Variants in USP34 observed in about 807,000 individuals in gnomAD.
The protein encoded by USP34 is ubiquitin carboxyl-terminal hydrolase 34.
USP34 carries 70 observed loss-of-function variants against 460.3 expected under a neutral mutation model. That is an observed-to-expected ratio of 0.15 (90% CI 0.13 to 0.19). The LOEUF (loss-of-function observed/expected upper bound fraction) is 0.19, where lower values mean the gene tolerates loss of function less well. Ranked by LOEUF, USP34 falls within the 10% of genes least tolerant of loss-of-function variation. USP34 has a pLI of 1.00. For missense variants in USP34, 3,985 were observed against 4,236.2 expected, an observed-to-expected ratio of 0.94 and a Z score of 1.65; for synonymous variants, 1,647 against 1,405.3, an observed-to-expected ratio of 1.17 and a Z score of -3.85.
chr2:61,322,292 G>C (rs895672934), intron 21 of USP34, among the ~76,000 whole-genome samples: 2 of 152,060 alleles, frequency 1.3e-5, no homozygotes, highest in African/African-American at 4.8e-5. Context: ...AAAGCAAAAG[G>C]AAACTGCCTA....
chr2:61,460,172 G>C (rs574099580), intron 1 of USP34, among the ~76,000 whole-genome samples: 6 of 152,262 alleles, frequency 3.9e-5, no homozygotes, highest in African/African-American at 1.4e-4. Context: ...ATTATCTTTG[G>C]TTTTGCTTTC....
In USP34 at chr2:61,317,637, T is replaced by G. The variant is rs200363729; in HGVS notation, c.3282+17A>C. The G allele has an allele frequency of 6.3e-7, 1 of 1,582,630 alleles. No homozygotes were observed. Among genetic ancestry groups the G allele is most frequent in the East Asian group, 2.2e-5 (1 of 44,734 alleles). ...TGAGGAATAAAGTTGCCTAATAAAGTAAGTCTAAATCCATACCTCAGAATT... is the reference window on the plus strand; with the variant it reads ...TGAGGAATAAAGTTGCCTAATAAAGGAAGTCTAAATCCATACCTCAGAATT... On this transcript the variant is annotated intron_variant, in intron 23 of 79. Transcript: ENST00000398571.
At chr2:61,266,358 A>G (rs1019346746) in intron 41 of USP34, among the ~76,000 whole-genome samples, 191 bp from the exon 42 acceptor site, 2 of 151,916 alleles carry the variant, frequency 1.3e-5, no homozygotes, top group African/African-American at 4.8e-5. Context: ...ATCAACTTTT[A>G]CTCTTCTCTC....
chr2:61,209,660 CTA>C (rs1454426820), intron 69 of USP34, among the ~76,000 whole-genome samples: 4 of 152,146 alleles, frequency 2.6e-5, no homozygotes, highest in African/African-American at 7.2e-5. Context: ...TAATAAATGA[CTA>C]TGTTACTGGT....
At chr2:61,413,658 C>CA (rs1694110407) in intron 2 of USP34, among the ~76,000 whole-genome samples, 1 of 138,854 alleles carries the variant, frequency 7.2e-6, no homozygotes. Context: ...GACTCAGTCT[C>CA]AAAAAAATTA....
chr2:61,352,131 G>A (rs1691959017), intron 10 of USP34, among the ~76,000 whole-genome samples: 1 of 152,090 alleles, frequency 6.6e-6, no homozygotes, highest in Non-Finnish European at 1.5e-5. Context: ...ATGTTCCAAT[G>A]AGTACTTCTT....
chr2:61,270,405 T>A (rs1044320129), intron 41 of USP34, among the ~76,000 whole-genome samples: 32 of 152,182 alleles, frequency 2.1e-4, no homozygotes, highest in Admixed American at 6.5e-5. Flanking sequence ...GAAAAGTAAA[T>A]TTCTGTTGTT....
intron 1 of USP34, 30 bp downstream of exon 1, chr2:61,470,620 C>G (rs376534985): frequency 6.9e-5 from 106 of 1,546,366 alleles, no homozygotes; most frequent in Non-Finnish European, 8.5e-5. Context: ...AAACCGTGCA[C>G]CCCGACAGGC....
intron 65 of USP34, 192 bp from the exon 66 acceptor site, chr2:61,221,798 G>T: frequency 2.3e-6 from 1 of 438,556 alleles, no homozygotes; most frequent in Admixed American, 4.2e-5. Context: ...AAGTCAACCG[G>T]GAACCACGTA....
rs574785459 is a variant in USP34 at position 61,369,998 on chromosome 2, A to C, written c.1251+323T>G. ...TATGCCTATTTAAAAAAAAAAAAAA[A>C]AAAACAGTACATCAGACAAGAAACA... On this transcript the variant is annotated intron_variant, in intron 10 of 79. Coordinates refer to ENST00000398571, the MANE Select transcript of USP34 (RefSeq NM_014709.4). 1.4e-4 allele frequency among the ~76,000 whole-genome samples: 22 copies of C among 151,802 alleles called. 1 individual carries two copies. The highest frequency in any genetic ancestry group is 1.2e-3 in the South Asian group (6 of 4,818).
Position 61,266,539 on chromosome 2 carries a change from G to C in USP34, c.5434-372C>G, listed in dbSNP as rs996591017. 3.9e-5 allele frequency among the ~76,000 whole-genome samples: 6 copies of C among 152,228 alleles called. No homozygotes were observed. In the East Asian group the frequency reaches 1.2e-3, roughly 29 times the overall value. ...TACTTCACTCTACTAATAAATAATAGCAACAATAACAGTGGCAAAATCAAC... is the reference window on the plus strand; with the variant it reads ...TACTTCACTCTACTAATAAATAATACCAACAATAACAGTGGCAAAATCAAC... On this transcript the variant is annotated intron_variant, in intron 41 of 79. Coordinates refer to ENST00000398571, the MANE Select transcript of USP34 (RefSeq NM_014709.4).
intron 41 of USP34, among the ~76,000 whole-genome samples, chr2:61,273,759 A>G (rs546190836): frequency 4.6e-5 from 7 of 152,316 alleles, no homozygotes; most frequent in Non-Finnish European, 7.4e-5. Flanking sequence ...TTAAATCTAC[A>G]TAATTAAGAT....
rs72884996 is a variant in USP34, at chr2:61,241,626, T to C, written c.6711A>G (p.Lys2237=). 207,556 of 1,607,020 alleles carry C rather than the reference T, an allele frequency of 0.13. 14,808 individuals are homozygous for C. The highest frequency in any genetic ancestry group is 0.24 in the African/African-American group (17,590 of 74,392). The change falls in exon 53 of 80, where the codon AAA becomes AAG. Residue 2237 remains lysine (K), a synonymous_variant. Transcript: ENST00000398571. ...CATTTTCTTCCTCTGGTTCCATGCG[T>C]TTGTAAAACAGCATATATGCACTGT... ...KTHSAYMLFY[K]RMEPEEENGR...
At chr2:61,224,687 T>G (rs550595304) in intron 62 of USP34, among the ~76,000 whole-genome samples, 1 of 152,298 alleles carries the variant, frequency 6.6e-6, no homozygotes, top group East Asian at 1.9e-4. Flanking sequence ...TGATTTGATT[T>G]CCTAATATAC....
intron 75 of USP34, chr2:61,193,204 G>A (rs1043906914): frequency 6.3e-5 from 23 of 365,800 alleles, no homozygotes; most frequent in African/African-American, 4.4e-4. Flanking sequence ...TGAAGGATAT[G>A]GGACTTAAAT....
In USP34 at chr2:61,448,464, A is replaced by G. The variant is rs535439029; in HGVS notation, c.43+22186T>C. On this transcript the variant is annotated intron_variant, in intron 1 of 79. Transcript: ENST00000398571. ...GTGAGGCCCTGTCTCAAGGACGGGG[A>G]AAAAAAATGCAAAGAATATCTTATC... is the stretch of plus-strand genomic sequence containing the variant. Among the ~76,000 whole-genome samples, 101 of 152,186 alleles carry G rather than the reference A, an allele frequency of 6.6e-4. 1 individual carries two copies. In the South Asian group the frequency reaches 0.013, roughly 20 times the overall value.
chr2:61,302,278 GT>G (rs1296307870), intron 27 of USP34, among the ~76,000 whole-genome samples: 2 of 152,200 alleles, frequency 1.3e-5, no homozygotes, highest in African/African-American at 4.8e-5. Context: ...AGAAAAATGA[GT>G]GGGGTAAGGC....
chr2:61,245,319 A>G, intron 50 of USP34, 31 bp from the exon 51 acceptor site: 1 of 1,269,224 alleles, frequency 7.9e-7, no homozygotes, highest in East Asian at 2.5e-5. Flanking sequence ...TTAATCTAGT[A>G]TGCATATAAT....
At chr2:61,212,948 T>C (rs964576431) in intron 68 of USP34, among the ~76,000 whole-genome samples, 1 of 152,172 alleles carries the variant, frequency 6.6e-6, no homozygotes, top group African/African-American at 2.4e-5. Flanking sequence ...GTCAGAAAGA[T>C]TGATATTTTG....
Sources: allele counts gnomAD v4.1 joint callset (sites outside exome capture counted in the v4.1 genomes callset), GRCh38; gene constraint gnomAD v4.1.1; transcripts MANE v1.5; gene names NCBI Gene and HGNC (gene_info 2026-07-23, HGNC 2026-07-21).